KTN1: variants seen among roughly 807,000 people sequenced by gnomAD.
The protein encoded by KTN1 is kinectin 1.
Under a neutral mutation model 222.5 loss-of-function variants are expected in KTN1, and 130 were observed. The ratio of observed to expected loss-of-function variants is 0.58; its 90% CI spans 0.51 to 0.68. KTN1 has a LOEUF of 0.68. KTN1 is among the 30% of genes least tolerant of loss of function. The probability of loss-of-function intolerance (pLI) is 0.00; values close to 1 mark genes in which losing one functional copy is unlikely to be tolerated. For synonymous variants in KTN1, 512 were observed against 496.3 expected (o/e 1.03, Z -0.42); for missense variants, 1,508 against 1,500.4 (o/e 1.01, Z -0.08).
intron 11 of KTN1, 90 bp from the exon 12 acceptor site, chr14:55,637,683 AAAAGAT>A: frequency 1.1e-6 from 1 of 871,690 alleles, no homozygotes; most frequent in Non-Finnish European, 1.7e-6. Flanking sequence ...AAAAAAAAGA[AAAAGAT>A]AAACAAATGT....
intron 3 of KTN1, 63 bp from the exon 4 acceptor site, chr14:55,617,885 ATCATTAAATTATGCTT>A (rs2038613059): frequency 9.5e-7 from 1 of 1,048,068 alleles, no homozygotes; most frequent in Non-Finnish European, 1.4e-6. Flanking sequence ...AACTGCATTT[ATCATTAAATTATGCTT>A]GCATGTCATT....
chr14:55,653,485 C>G, intron 27 of KTN1, 74 bp from the exon 28 acceptor site: 5 of 1,097,156 alleles, frequency 4.6e-6, no homozygotes, highest in South Asian at 4.4e-5. Flanking sequence ...GTGGGTGATT[C>G]CATATATATG....
intron 1 of KTN1, among the ~76,000 whole-genome samples, chr14:55,586,813 A>T (rs1308254405): frequency 6.6e-6 from 1 of 152,194 alleles, no homozygotes; most frequent in South Asian, 2.1e-4. Flanking sequence ...TTTTAGTTAT[A>T]TGGAAAGCAG....
chr14:55,630,116 GA>G lies in KTN1; in HGVS notation c.1221+22del, dbSNP rs1594951706. 3.1e-6 allele frequency: 5 copies of G among 1,604,692 alleles called. No individual in the cohort carries two copies. In the East Asian group the frequency reaches 1.1e-4, roughly 36 times the overall value. Reference sequence around the variant, plus strand: ...GATGAAGGTATATTTTCATTCTTTGGAAACAAGATGAAATGGTTGCATTCAC... The same window carrying G: ...GATGAAGGTATATTTTCATTCTTTGGAACAAGATGAAATGGTTGCATTCAC... On this transcript the variant is annotated intron_variant, in intron 7 of 43. Coordinates refer to ENST00000395314, the MANE Select transcript of KTN1 (RefSeq NM_001079521.2).
In KTN1 at chr14:55,611,244, G is replaced by A. The variant is rs1156747794; in HGVS notation, c.-30-775G>A. 5.4e-5 allele frequency among the ~76,000 whole-genome samples: 8 copies of A among 149,476 alleles called. No individual in the cohort carries two copies. The East Asian group carries it at 1.2e-3, about 22-fold the overall frequency. On this transcript the variant is annotated intron_variant, in intron 1 of 43. Coordinates refer to ENST00000395314, the MANE Select transcript of KTN1 (RefSeq NM_001079521.2). Reference sequence around the variant, plus strand: ...TGGGACTACAGGCTCACTTAACTACGCCCAGCTAATTTTCTTGTCTTTTTT... The same window carrying A: ...TGGGACTACAGGCTCACTTAACTACACCCAGCTAATTTTCTTGTCTTTTTT...
intron 35 of KTN1, among the ~76,000 whole-genome samples, chr14:55,671,151 A>C (rs1388529429): frequency 1.3e-5 from 2 of 152,154 alleles, no homozygotes; most frequent in African/African-American, 4.8e-5. Flanking sequence ...AGCATCCCCA[A>C]ATACGTCATT....
At chr14:55,584,649 A>G (rs4357856) in intron 1 of KTN1, among the ~76,000 whole-genome samples, 20,320 of 152,084 alleles carry the variant, frequency 0.13, 1,652 homozygotes, top group East Asian at 0.26. Flanking sequence ...TCTTTATAGC[A>G]TTTGTCACCT....
At chr14:55,625,024 A>G (rs1198276083) in intron 5 of KTN1, among the ~76,000 whole-genome samples, 1 of 152,134 alleles carries the variant, frequency 6.6e-6, no homozygotes, top group Non-Finnish European at 1.5e-5. Context: ...CAGGGATGTT[A>G]TGTTGTGTGA....
intron 14 of KTN1, 41 bp downstream of exon 14, chr14:55,640,044 C>T (rs1228136841): frequency 3.4e-6 from 4 of 1,190,396 alleles, no homozygotes; most frequent in Non-Finnish European, 5.0e-6. Flanking sequence ...TTTTACAGAA[C>T]TGAAATTTAA....
chr14:55,644,706 T>C (rs561282663), intron 18 of KTN1, among the ~76,000 whole-genome samples: 1 of 152,210 alleles, frequency 6.6e-6, no homozygotes, highest in East Asian at 1.9e-4. Flanking sequence ...CTTTTTGCCC[T>C]ACTGCCTTGT....
At chr14:55,621,594 G>A (rs2039136279) in intron 5 of KTN1, among the ~76,000 whole-genome samples, 1 of 152,114 alleles carries the variant, frequency 6.6e-6, no homozygotes, top group African/African-American at 2.4e-5. Flanking sequence ...CTCAGATCTT[G>A]TGAGACTTAT....
rs1385619989 is a variant in KTN1 at position 55,618,118 on chromosome 14, G to T, written c.816G>T (p.Lys272Asn). The T allele has an allele frequency of 6.2e-7, 1 of 1,610,456 alleles. No homozygotes were observed. Among genetic ancestry groups the T allele is most frequent in the East Asian group, 2.2e-5 (1 of 44,720 alleles). Residue 272 changes from lysine to asparagine, a missense_variant, in exon 4 of 44, where the codon AAG becomes AAT. By Grantham distance (94) the Lys-to-Asn change is moderately conservative (BLOSUM62 0). Transcript: ENST00000395314. ...AGAAATCTGGGACTAAAAAACTGAA[G>T]ACCGAAACTGACAAAGGTAATATAT... ...GIQKSGTKKL[K>N]TETDKENAEV...
chr14:55,648,716 A>G, intron 20 of KTN1, 86 bp from the exon 21 acceptor site: 4 of 881,390 alleles, frequency 4.5e-6, no homozygotes, highest in Non-Finnish European at 7.4e-6. Flanking sequence ...AGAAGCAGCT[A>G]AAGAAATGAG....
intron 18 of KTN1, among the ~76,000 whole-genome samples, chr14:55,646,538 TCCTTTC>T (rs1430244751): frequency 6.9e-5 from 10 of 144,752 alleles, no homozygotes; most frequent in African/African-American, 2.1e-4. Flanking sequence ...TCCTTTCCTT[TCCTTTC>T]CTTCTCTCTT....
chr14:55,605,147 C>T (rs776877709), intron 1 of KTN1, among the ~76,000 whole-genome samples: 1 of 152,148 alleles, frequency 6.6e-6, no homozygotes, highest in Non-Finnish European at 1.5e-5. Flanking sequence ...GTTGCGTTTT[C>T]TTATTAGTTG....
intron 1 of KTN1, among the ~76,000 whole-genome samples, chr14:55,594,727 A>G (rs2034732525): frequency 6.6e-6 from 1 of 152,190 alleles, no homozygotes. Context: ...ACGTAGGTAA[A>G]TATTAATCTA....
At chr14:55,643,809 G>T (rs1263210725) in intron 18 of KTN1, among the ~76,000 whole-genome samples, 1 of 152,054 alleles carries the variant, frequency 6.6e-6, no homozygotes, top group East Asian at 1.9e-4. Flanking sequence ...ATTTATGAAA[G>T]TTAATATTAT....
chr14:55,633,829 C>T (rs933713901), intron 8 of KTN1, among the ~76,000 whole-genome samples: 2 of 151,982 alleles, frequency 1.3e-5, no homozygotes, highest in Admixed American at 1.3e-4. Context: ...AGGTAGAGCC[C>T]AGGAGTCTAC....
chr14:55,610,884 C>T (rs905696300), intron 1 of KTN1, among the ~76,000 whole-genome samples: 3 of 152,192 alleles, frequency 2.0e-5, no homozygotes, highest in African/African-American at 4.8e-5. Context: ...CAAATTACAT[C>T]GCCACCCGCC....
Sources: allele counts gnomAD v4.1 joint callset (sites outside exome capture counted in the v4.1 genomes callset), GRCh38; gene constraint gnomAD v4.1.1; transcripts MANE v1.5; gene names NCBI Gene and HGNC (gene_info 2026-07-23, HGNC 2026-07-21).